The following GTF3C1 variants were observed in gnomAD, a reference collection of about 807,000 sequenced individuals.
GTF3C1 encodes general transcription factor 3C polypeptide 1.
A neutral mutation model predicts 226.7 loss-of-function variants in GTF3C1; 57 were observed. That is an observed-to-expected ratio of 0.25 (90% CI 0.20 to 0.31). The LOEUF is 0.31. GTF3C1 is among the 10% of genes least tolerant of loss of function. The pLI, the probability that GTF3C1 is intolerant of heterozygous loss-of-function variation, is 1.00. For synonymous variants in GTF3C1, 1,090 were observed against 1,084.8 expected (o/e 1.00, Z -0.09); for missense variants, 2,217 against 2,776.1 (o/e 0.80, Z 4.53).
intron 14 of GTF3C1, among the ~76,000 whole-genome samples, chr16:27,496,915 T>A (rs910573311): frequency 1.3e-5 from 2 of 152,196 alleles, no homozygotes; most frequent in African/African-American, 4.8e-5. Context: ...CATGCTGCTG[T>A]TCCTCTTTCA....
In GTF3C1 at chr16:27,486,022, A is replaced by G; in HGVS notation, c.3833T>C (p.Ile1278Thr). The G allele has an allele frequency of 6.2e-7, 1 of 1,611,646 alleles. No individual in the cohort carries two copies. Among genetic ancestry groups the G allele is most frequent in the Non-Finnish European group, 8.5e-7 (1 of 1,178,514 alleles). Residue 1278 changes from isoleucine (I) to threonine (T), a missense_variant, in exon 24 of 37, where the codon ATT becomes ACT. By Grantham distance (89) the Ile-to-Thr change is moderately conservative (BLOSUM62 -1). This residue lies in a region of GTF3C1 where 546 missense variants were observed against 663.0 expected (regional missense o/e 0.82). Transcript: ENST00000356183. ...QEDGLLVLCR[I>T]ASNVLNTKVK... ...CTTGGTGTTGAGGACATTGCTGGCA[A>G]TGCGGCACAGCACAAGCAGCCCATC...
chr16:27,513,145 C>G lies in GTF3C1; in HGVS notation c.974-1244G>C, dbSNP rs7198199. Among the ~76,000 whole-genome samples the G allele has an allele frequency of 9.8e-3, 1,490 of 152,156 alleles. 32 individuals carry two copies. Among genetic ancestry groups the G allele is most frequent in the African/African-American group, 0.034 (1,391 of 41,490 alleles). ...GATTATCCTCGATTATCTGGGTGGG[C>G]TCAATGTAGTATCACAGAGTCCTTA... On this transcript the variant is annotated intron_variant, in intron 6 of 36. Coordinates refer to ENST00000356183, the MANE Select transcript of GTF3C1 (RefSeq NM_001520.4).
chr16:27,549,586 C>T, intron 1 of GTF3C1, 84 bp downstream of exon 1: 1 of 782,346 alleles, frequency 1.3e-6, no homozygotes, highest in Non-Finnish European at 2.0e-6. Context: ...AGCCCCACTC[C>T]ATTCCCCCGC....
At chr16:27,528,936 G>T (rs981403388) in intron 5 of GTF3C1, among the ~76,000 whole-genome samples, 8 of 152,206 alleles carry the variant, frequency 5.3e-5, no homozygotes, top group Non-Finnish European at 1.0e-4. Context: ...GGGGGAAAGA[G>T]ATTCGCTTCG....
intron 2 of GTF3C1, among the ~76,000 whole-genome samples, chr16:27,543,415 G>A (rs182084663): frequency 3.3e-5 from 5 of 151,990 alleles, no homozygotes; most frequent in East Asian, 1.9e-4. Context: ...AAAAGAGATC[G>A]GGTCACGCTC....
rs963665 is a variant in GTF3C1, at chr16:27,547,858, C to T, written c.221+1812G>A. On this transcript the variant is annotated intron_variant, in intron 1 of 36. Transcript: ENST00000356183. The stretch of plus-strand genomic sequence containing the variant: ...TGGACTGGTCTTGAACTCCTGACCT[C>T]AAGTTATCCGCCCACCTCTGCCTCT... 7.2e-3 allele frequency among the ~76,000 whole-genome samples: 1,095 copies of T among 152,166 alleles called. 28 individuals carry two copies. The highest frequency in any genetic ancestry group is 0.051 in the Admixed American group (780 of 15,256).
chr16:27,480,856 C>T (rs1236072455), intron 27 of GTF3C1: 5 of 514,832 alleles, frequency 9.7e-6, no homozygotes, highest in Non-Finnish European at 1.7e-5. Context: ...AACAAGGAAG[C>T]CTGAAGGACC....
chr16:27,514,896 G>A (rs887127507), intron 6 of GTF3C1, among the ~76,000 whole-genome samples: 2 of 152,174 alleles, frequency 1.3e-5, no homozygotes, highest in Non-Finnish European at 2.9e-5. Flanking sequence ...ATAGAAGAGC[G>A]GCGCGGCGCC....
At chr16:27,485,546 AAGG>A (rs2088126216) in intron 24 of GTF3C1, among the ~76,000 whole-genome samples, 2 of 152,218 alleles carry the variant, frequency 1.3e-5, no homozygotes, top group African/African-American at 2.4e-5. Context: ...AGGTGGGAGG[AAGG>A]AGCAGGCCAG....
At chr16:27,509,880 A>C (rs1406793216) in intron 7 of GTF3C1, among the ~76,000 whole-genome samples, 2 of 152,200 alleles carry the variant, frequency 1.3e-5, no homozygotes, top group African/African-American at 4.8e-5. Flanking sequence ...TACACGCATA[A>C]AAATAAGCAG....
At chr16:27,487,076 T>C (rs2088151074) in intron 23 of GTF3C1, among the ~76,000 whole-genome samples, 1 of 152,158 alleles carries the variant, frequency 6.6e-6, no homozygotes, top group Non-Finnish European at 1.5e-5. Flanking sequence ...CAAAAGACTG[T>C]TTAGCGAGTG....
intron 6 of GTF3C1, among the ~76,000 whole-genome samples, chr16:27,524,020 T>C (rs1342491038): frequency 6.6e-6 from 1 of 152,216 alleles, no homozygotes; most frequent in Non-Finnish European, 1.5e-5. Flanking sequence ...TGGAAAGTCC[T>C]CTTGTCCCAG....
rs1450027589 is a variant in GTF3C1 at position 27,521,029 on chromosome 16, TCTTAAA to T, written c.973+7563_973+7568del. 4.6e-4 allele frequency among the ~76,000 whole-genome samples: 70 copies of T among 152,306 alleles called. 1 individual carries two copies. Among genetic ancestry groups the T allele is most frequent in the African/African-American group, 1.7e-3 (69 of 41,564 alleles). ...CCACAGCGCCCAGCCTCCCCAATGC[TCTTAAA>T]GCGCGATCAATAGATGGGAAGGGCT... On this transcript the variant is annotated intron_variant, in intron 6 of 36. Transcript: ENST00000356183.
At position 27,464,537 on chromosome 16, in the gene GTF3C1, C is replaced by A. The variant is rs1316997860; in HGVS notation, c.5655G>T (p.Arg1885Ser). 2.6e-6 allele frequency: 4 copies of A among 1,510,710 alleles called. No homozygotes were observed. The highest frequency in any genetic ancestry group is 3.5e-6 in the Non-Finnish European group (4 of 1,130,158). The allele number at this position is 1,510,710 out of a possible 1,614,324, so 93.6% of individuals were successfully genotyped here. A position where few individuals can be genotyped will look rare whatever the true frequency, so the allele number is the denominator to read the frequency against. The change falls in exon 34 of 37, where the codon AGG (arginine) becomes AGT (serine). Residue 1885 changes from arginine (R) to serine (S), a missense_variant. By Grantham distance (110) the Arg-to-Ser change is moderately radical. Coordinates refer to ENST00000356183, the MANE Select transcript of GTF3C1 (RefSeq NM_001520.4). ...CCAAATTTGAGTCCTGGAGCGCTGGCCTCTTGGCAGGGGTCATCTGGGTGC... is the reference window on the plus strand; with the variant it reads ...CCAAATTTGAGTCCTGGAGCGCTGGACTCTTGGCAGGGGTCATCTGGGTGC... ...AEGTQMTPAK[R>S]PALQDSNLAP...
chr16:27,537,109 C>T (rs541213323), intron 4 of GTF3C1, among the ~76,000 whole-genome samples: 17 of 152,340 alleles, frequency 1.1e-4, no homozygotes, highest in Admixed American at 9.1e-4. Context: ...ACCTCGCCAT[C>T]TTGTCCATAT....
chr16:27,475,311 G>A (rs900235936), intron 29 of GTF3C1, among the ~76,000 whole-genome samples: 4 of 152,188 alleles, frequency 2.6e-5, no homozygotes, highest in South Asian at 2.1e-4. Context: ...CCTAATGATC[G>A]GGTCCTCACC....
chr16:27,470,308 C>T lies in GTF3C1; in HGVS notation c.4614G>A (p.Gln1538=). The T allele has an allele frequency of 1.2e-6, 2 of 1,613,708 alleles. No individual in the cohort carries two copies. The highest frequency in any genetic ancestry group is 4.5e-5 in the East Asian group (2 of 44,878). ...DRMRAAGKLD[Q]PDRFSFKDQD... ...GGTCTTTGAAAGAGAAACGATCAGG[C>T]TGGTCCAACTTGCCGGCAGCCCGCA... Residue 1538 remains glutamine, a synonymous_variant, in exon 31 of 37, where the codon CAG becomes CAA. Transcript: ENST00000356183. This position sits in a 1 kb window ranked among gnomAD's most constrained non-coding sequence, Gnocchi z 4.9.
intron 10 of GTF3C1, among the ~76,000 whole-genome samples, chr16:27,505,508 T>C (rs931135405): frequency 6.6e-6 from 1 of 152,218 alleles, no homozygotes; most frequent in South Asian, 2.1e-4. Flanking sequence ...TATTGCGAAA[T>C]GTCTCCTATG....
intron 5 of GTF3C1, among the ~76,000 whole-genome samples, chr16:27,530,485 G>A (rs1381775840): frequency 3.9e-5 from 6 of 152,214 alleles, no homozygotes; most frequent in African/African-American, 1.4e-4. Context: ...GAAAGAGGCA[G>A]TGAGTCTTCG....
Sources: allele counts gnomAD v4.1 joint callset (sites outside exome capture counted in the v4.1 genomes callset), GRCh38; gene constraint gnomAD v4.1.1; regional missense constraint gnomAD v4.1.1; non-coding constraint Gnocchi (gnomAD v3.1); transcripts MANE v1.5; gene names NCBI Gene and HGNC (gene_info 2026-07-23, HGNC 2026-07-21).